The following ZDHHC14 variants were observed in gnomAD, a reference collection of about 807,000 sequenced individuals.
ZDHHC14 encodes palmitoyltransferase ZDHHC14.
In ZDHHC14, 16 loss-of-function variants were observed where a neutral mutation model predicts 47.7. The observed-to-expected ratio is 0.34, with a 90% CI of 0.23 to 0.51. ZDHHC14 has a LOEUF of 0.51. ZDHHC14 is among the 20% of genes least tolerant of loss of function. The pLI is 0.97. For missense variants in ZDHHC14, 515 were observed against 662.5 expected, an observed-to-expected ratio of 0.78 and a Z score of 2.44; for synonymous variants, 293 against 278.9, an observed-to-expected ratio of 1.05 and a Z score of -0.50.
At chr6:157,450,051 A>G (rs1337002690) in intron 1 of ZDHHC14, among the ~76,000 whole-genome samples, 2 of 152,134 alleles carry the variant, frequency 1.3e-5, no homozygotes, top group South Asian at 4.1e-4. Context: ...AGTGTCCGCT[A>G]TATCATAAGA....
At chr6:157,602,869 G>A (rs1186429052) in intron 3 of ZDHHC14, among the ~76,000 whole-genome samples, 2 of 152,194 alleles carry the variant, frequency 1.3e-5, no homozygotes, top group African/African-American at 4.8e-5. Flanking sequence ...TTAGTGTCTG[G>A]AGTTTAGTCG....
chr6:157,542,704 G>A lies in ZDHHC14; in HGVS notation c.365G>A (p.Arg122Gln), dbSNP rs775151701. ...TSFSDPGVLP[R>Q]ATPDEAADLE... is the part of the protein sequence containing the mutation. The stretch of plus-strand genomic sequence containing the variant: ...TTCAGCGACCCCGGAGTCCTCCCAC[G>A]AGCCACGCCTGATGAAGCCGCCGAT... Residue 122 changes from arginine to glutamine, a missense_variant, in exon 2 of 9, where the codon CGA becomes CAA. Arg to Gln is a conservative substitution (Grantham distance 43, BLOSUM62 1). This residue lies in a region of ZDHHC14 where 229 missense variants were observed against 351.5 expected (regional missense o/e 0.65). Transcript: ENST00000359775. 3.1e-6 allele frequency: 5 copies of A among 1,613,934 alleles called. No individual in the cohort carries two copies. Among genetic ancestry groups the A allele is most frequent in the East Asian group, 2.2e-5 (1 of 44,862 alleles).
intron 1 of ZDHHC14, among the ~76,000 whole-genome samples, chr6:157,418,216 A>T (rs144866654): frequency 6.6e-6 from 1 of 152,146 alleles, no homozygotes; most frequent in African/African-American, 2.4e-5. Flanking sequence ...TCTCAAACCC[A>T]TCAGAGGTCA....
At chr6:157,495,234 T>A (rs539696807) in intron 1 of ZDHHC14, among the ~76,000 whole-genome samples, 9 of 151,390 alleles carry the variant, frequency 5.9e-5, no homozygotes, top group Non-Finnish European at 8.8e-5. Flanking sequence ...TAAGCTATAA[T>A]TTTGTTGTCC....
intron 1 of ZDHHC14, among the ~76,000 whole-genome samples, chr6:157,456,184 G>A (rs1291664969): frequency 6.6e-6 from 1 of 152,184 alleles, no homozygotes; most frequent in East Asian, 1.9e-4. Context: ...AGGCTGCCAC[G>A]GCGCGTGGCC....
chr6:157,395,223 T>C (rs988012165), intron 1 of ZDHHC14, among the ~76,000 whole-genome samples: 72 of 151,652 alleles, frequency 4.7e-4, no homozygotes, highest in African/African-American at 1.7e-3. Flanking sequence ...TGTAGTGGCA[T>C]GATCATAGCT....
rs113695033 is a variant in ZDHHC14 at position 157,427,832 on chromosome 6, C to A, written c.245+45566C>A. Among the ~76,000 whole-genome samples, 1 of 151,994 alleles carries A rather than the reference C, an allele frequency of 6.6e-6. No individual in the cohort carries two copies. Among genetic ancestry groups the A allele is most frequent in the Non-Finnish European group, 1.5e-5 (1 of 68,012 alleles). On this transcript the variant is annotated intron_variant, in intron 1 of 8. Coordinates refer to ENST00000359775, the MANE Select transcript of ZDHHC14 (RefSeq NM_024630.3). The surrounding 1 kb of genome is among the most constrained non-coding windows in gnomAD (Gnocchi z 4.4). ...AGATCCTTTCCATGACATTGTGGCC[C>A]CCAAGGACAATGGAATGGTGGGGCT...
In ZDHHC14 at chr6:157,404,078, A is replaced by G. The variant is rs143939802; in HGVS notation, c.245+21812A>G. 3.3e-4 allele frequency among the ~76,000 whole-genome samples: 51 copies of G among 152,372 alleles called. No individual in the cohort carries two copies. In the East Asian group the frequency reaches 8.1e-3, roughly 24 times the overall value. The stretch of plus-strand genomic sequence containing the variant: ...TTTACAGATGAGAAAACTCAGTGCC[A>G]TATATCTTTGGAGTCTATTGTACAA... On this transcript the variant is annotated intron_variant, in intron 1 of 8. Transcript: ENST00000359775.
chr6:157,391,615 G>A (rs575079110), intron 1 of ZDHHC14, among the ~76,000 whole-genome samples: 5 of 152,306 alleles, frequency 3.3e-5, no homozygotes, highest in Admixed American at 3.3e-4. Flanking sequence ...ATTAATGTGG[G>A]TTAAAAATTT....
At chr6:157,641,724 C>T (rs550632108) in intron 5 of ZDHHC14, among the ~76,000 whole-genome samples, 16 of 152,184 alleles carry the variant, frequency 1.1e-4, no homozygotes, top group Non-Finnish European at 2.1e-4. Context: ...CGTGGCTCCT[C>T]GGTTTGTGTC....
rs1348281930 is a variant in ZDHHC14 at position 157,673,098 on chromosome 6, C to T, written c.1443C>T (p.Gly481=). 37 of 1,573,878 alleles carry T rather than the reference C, an allele frequency of 2.4e-5. No individual in the cohort carries two copies. Among genetic ancestry groups the T allele is most frequent in the Non-Finnish European group, 3.1e-5 (36 of 1,168,540 alleles). The part of the protein sequence containing the change: ...QDSLHEDSVR[G]LVKLSSV Reference sequence around the variant, plus strand: ...CCCTGCATGAGGACTCTGTGCGCGGCCTGGTGAAGCTCAGCTCCGTGTGAC... The same window carrying T: ...CCCTGCATGAGGACTCTGTGCGCGGTCTGGTGAAGCTCAGCTCCGTGTGAC... Residue 481 remains glycine, a synonymous_variant, in exon 9 of 9, where the codon GGC becomes GGT. Coordinates refer to ENST00000359775, the MANE Select transcript of ZDHHC14 (RefSeq NM_024630.3). This position sits in a 1 kb window ranked among gnomAD's most constrained non-coding sequence, Gnocchi z 5.4.
chr6:157,647,175 T>G, intron 6 of ZDHHC14, 84 bp from the exon 7 acceptor site: 1 of 887,262 alleles, frequency 1.1e-6, no homozygotes, highest in Non-Finnish European at 1.8e-6. Flanking sequence ...TTGCATTCTT[T>G]ATGAGCCTCT....
At chr6:157,517,531 G>A (rs1023738125) in intron 1 of ZDHHC14, among the ~76,000 whole-genome samples, 3 of 152,164 alleles carry the variant, frequency 2.0e-5, no homozygotes, top group Non-Finnish European at 2.9e-5. Context: ...GGTTGATCTC[G>A]AACTCCTGAC....
chr6:157,592,772 G>A, intron 2 of ZDHHC14: 1 of 1,366,216 alleles, frequency 7.3e-7, no homozygotes, highest in Non-Finnish European at 9.5e-7. Context: ...ATTGGCCAGA[G>A]CTCAGTCACG....
intron 1 of ZDHHC14, among the ~76,000 whole-genome samples, chr6:157,517,331 T>TC (rs1306496619): frequency 1.3e-5 from 2 of 151,508 alleles, no homozygotes; most frequent in Non-Finnish European, 2.9e-5. Flanking sequence ...CTTTTTTTTT[T>TC]TGAGACAGAG....
chr6:157,453,777 T>C (rs1255817116), intron 1 of ZDHHC14, among the ~76,000 whole-genome samples: 1 of 135,440 alleles, frequency 7.4e-6, no homozygotes, highest in Non-Finnish European at 1.6e-5. Flanking sequence ...AAGGCCATTG[T>C]TTTTTGTGTT....
chr6:157,613,442 T>A (rs1784831079), intron 3 of ZDHHC14, among the ~76,000 whole-genome samples: 1 of 152,180 alleles, frequency 6.6e-6, no homozygotes, highest in African/African-American at 2.4e-5. Context: ...AATCCTGGAA[T>A]AAAGCGTAAT....
At chr6:157,468,382 G>A (rs1779272734) in intron 1 of ZDHHC14, among the ~76,000 whole-genome samples, 1 of 152,204 alleles carries the variant, frequency 6.6e-6, no homozygotes, top group East Asian at 1.9e-4. Context: ...TCCTTCTGTT[G>A]TTAAAGGGCT....
At chr6:157,559,251 T>C (rs569071860) in intron 2 of ZDHHC14, among the ~76,000 whole-genome samples, 2 of 152,246 alleles carry the variant, frequency 1.3e-5, no homozygotes, top group Non-Finnish European at 2.9e-5. Context: ...CAAGTGGGCT[T>C]TAGCCGGGAA....
Sources: gnomAD v4.1 joint callset for allele counts (sites outside exome capture counted in the v4.1 genomes callset) on GRCh38, gnomAD v4.1.1 for gene constraint, gnomAD v4.1.1 regional missense constraint, Gnocchi (gnomAD v3.1) non-coding constraint, MANE v1.5 for transcripts, NCBI Gene and HGNC (gene_info 2026-07-23, HGNC 2026-07-21) for gene names.